The following COLGALT2 variants were observed in gnomAD, a reference collection of about 807,000 sequenced individuals.
The protein encoded by COLGALT2 is procollagen galactosyltransferase 2.
In COLGALT2, 49 loss-of-function variants were observed where a neutral mutation model predicts 73.4. The observed-to-expected ratio is 0.67, with a 90% confidence interval of 0.53 to 0.85. The LOEUF (loss-of-function observed/expected upper bound fraction) is 0.85. Among genes scored for constraint, COLGALT2 ranks in the 40% least tolerant of loss-of-function variants. COLGALT2 has a pLI of 0.00. For missense variants in COLGALT2, 722 were observed against 790.2 expected (o/e 0.91, Z 1.03); for synonymous variants, 295 against 307.6 (o/e 0.96, Z 0.43).
chr1:183,969,251 A>T lies in COLGALT2; in HGVS notation c.832+18T>A. On this transcript the variant is annotated intron_variant, in intron 5 of 11. Coordinates refer to ENST00000361927, the MANE Select transcript of COLGALT2 (RefSeq NM_015101.4). Reference sequence around the variant, plus strand: ...GCTGTGTCTCCATTGTGGCACTACAACCAAAGACAAACAGTACCTGCTTGC... The same window carrying T: ...GCTGTGTCTCCATTGTGGCACTACATCCAAAGACAAACAGTACCTGCTTGC... 6.2e-7 allele frequency: 1 copy of T among 1,600,218 alleles called. No individual in the cohort carries two copies. Among genetic ancestry groups the T allele is most frequent in the South Asian group, 1.1e-5 (1 of 88,980 alleles).
chr1:183,975,638 T>C (rs921366294), intron 2 of COLGALT2, among the ~76,000 whole-genome samples: 1 of 152,232 alleles, frequency 6.6e-6, no homozygotes, highest in Non-Finnish European at 1.5e-5. Flanking sequence ...GAGTATGCAG[T>C]GTAAAACATG....
chr1:184,001,476 G>T (rs887753792), intron 1 of COLGALT2, among the ~76,000 whole-genome samples: 3 of 152,004 alleles, frequency 2.0e-5, no homozygotes, highest in African/African-American at 7.2e-5. Flanking sequence ...ATATATTAAA[G>T]CTTCTCATGT....
intron 8 of COLGALT2, chr1:183,946,284 A>T (rs1670246977): frequency 6.6e-6 from 1 of 152,236 alleles, no homozygotes; most frequent in Non-Finnish European, 1.5e-5. Flanking sequence ...TGCTAACAAG[A>T]AGCCCACCAA....
Position 183,936,408 on chromosome 1 carries a change from G to A in COLGALT2, c.*2353C>T, listed in dbSNP as rs1431592434. On this transcript the variant is annotated 3_prime_UTR_variant, in exon 12 of 12. Transcript: ENST00000361927. ...CAGGGAGAAACAAACCGGGCTAAAGGAGACAGAACTTTCTTCACAGTAGAA... is the reference window on the plus strand; with the variant it reads ...CAGGGAGAAACAAACCGGGCTAAAGAAGACAGAACTTTCTTCACAGTAGAA... 6 of 986,102 alleles carry A rather than the reference G, an allele frequency of 6.1e-6. No homozygotes were observed. Among genetic ancestry groups the A allele is most frequent in the Middle Eastern group, 5.2e-4 (1 of 1,940 alleles). The allele number at this position is 986,102 out of a possible 1,614,324, so 61.1% of individuals were successfully genotyped here.
At chr1:184,037,052 CCCCGCGTCCCGCCGCGGCGG>C (rs1403290861) in intron 1 of COLGALT2, 23 bp downstream of exon 1, 16 of 1,405,586 alleles carry the variant, frequency 1.1e-5, no homozygotes, top group Non-Finnish European at 1.5e-5. Context: ...GGCAGGCCGC[CCCCGCGTCCCGCCGCGGCGG>C]CCCGGGGCCC....
chr1:183,961,567 C>CTCT (rs1331601009), intron 6 of COLGALT2, among the ~76,000 whole-genome samples: 1 of 152,112 alleles, frequency 6.6e-6, no homozygotes, highest in African/African-American at 2.4e-5. Context: ...CTTTTATTTG[C>CTCT]TCTTCTCAAC....
At chr1:183,996,629 G>C (rs978043468) in intron 1 of COLGALT2, among the ~76,000 whole-genome samples, 1 of 152,200 alleles carries the variant, frequency 6.6e-6, no homozygotes, top group Admixed American at 6.5e-5. Flanking sequence ...CTAGAGGTGA[G>C]GACCTGTCAG....
chr1:184,004,892 G>T (rs759219573), intron 1 of COLGALT2, among the ~76,000 whole-genome samples: 11 of 152,198 alleles, frequency 7.2e-5, no homozygotes, highest in Non-Finnish European at 1.5e-4. Flanking sequence ...GGGATCGGTG[G>T]TTTGTCATGG....
Position 183,937,258 on chromosome 1 carries a change from G to A in COLGALT2, c.*1503C>T, listed in dbSNP as rs1422783853. The A allele has an allele frequency of 1.0e-5, 12 of 1,177,214 alleles. No homozygotes were observed. The highest frequency in any genetic ancestry group is 6.3e-5 in the African/African-American group (4 of 63,316). The allele number at this position is 1,177,214 out of a possible 1,614,324, so 72.9% of individuals were successfully genotyped here. A position where few individuals can be genotyped will look rare whatever the true frequency, so the allele number is the denominator to read the frequency against. On this transcript the variant is annotated 3_prime_UTR_variant, in exon 12 of 12. Transcript: ENST00000361927. ...TGGTGCATGGACAGTGATGAGGAAC[G>A]GTGCTGGTATGGGATGCCTGGGAGG...
intron 6 of COLGALT2, among the ~76,000 whole-genome samples, chr1:183,963,274 A>G (rs1670767381): frequency 6.6e-6 from 1 of 152,198 alleles, no homozygotes; most frequent in African/African-American, 2.4e-5. Context: ...AGGGCAAGTT[A>G]CTTAAGGTAA....
chr1:183,972,765 C>T (rs546740300), intron 4 of COLGALT2, among the ~76,000 whole-genome samples: 37 of 151,846 alleles, frequency 2.4e-4, no homozygotes, highest in South Asian at 8.3e-4. Flanking sequence ...AGTGGCGCGA[C>T]CTCGGCTCAC....
intron 1 of COLGALT2, among the ~76,000 whole-genome samples, chr1:184,035,717 A>T (rs977771501): frequency 1.3e-5 from 2 of 152,250 alleles, no homozygotes; most frequent in African/African-American, 2.4e-5. Context: ...TATCTCTTAA[A>T]AAAAACACAA....
chr1:183,930,366 G>A (rs1054944680), intron 11 of COLGALT2: 4 of 450,660 alleles, frequency 8.9e-6, no homozygotes, highest in South Asian at 1.6e-5. Context: ...ATTTAATTTT[G>A]TCTAGAACTA....
chr1:183,933,167 C>A (rs557721372), downstream of COLGALT2, among the ~76,000 whole-genome samples: 1 of 152,274 alleles, frequency 6.6e-6, no homozygotes, highest in African/African-American at 2.4e-5. Context: ...AGCCTCCCTC[C>A]TACCACACTA....
At chr1:183,932,856 G>C (rs1669875212), downstream of COLGALT2, among the ~76,000 whole-genome samples, 1 of 152,056 alleles carries the variant, frequency 6.6e-6, no homozygotes, top group African/African-American at 2.4e-5. Flanking sequence ...CACCTCCTTG[G>C]GTGGATTTTT....
intron 1 of COLGALT2, among the ~76,000 whole-genome samples, chr1:183,979,330 G>C (rs556507502): frequency 6.6e-6 from 1 of 152,086 alleles, no homozygotes; most frequent in Non-Finnish European, 1.5e-5. Context: ...AAAAAGAGAA[G>C]AAAGCAGGAG....
intron 6 of COLGALT2, among the ~76,000 whole-genome samples, chr1:183,958,748 CA>C (rs200835484): frequency 2.6e-3 from 390 of 149,700 alleles, no homozygotes; most frequent in African/African-American, 9.2e-3. Context: ...CAACCCAGGA[CA>C]AAAACCCTCT....
chr1:184,017,433 G>T (rs993849854), intron 1 of COLGALT2, among the ~76,000 whole-genome samples: 1 of 152,118 alleles, frequency 6.6e-6, no homozygotes, highest in Non-Finnish European at 1.5e-5. Flanking sequence ...TTTGATACCA[G>T]CCAGACGGCA....
At chr1:183,959,653 T>G (rs1411797453) in intron 6 of COLGALT2, among the ~76,000 whole-genome samples, 2 of 151,892 alleles carry the variant, frequency 1.3e-5, no homozygotes, top group African/African-American at 4.8e-5. Context: ...TCCCCTACAA[T>G]CTAGTATCCT....
Sources: gnomAD v4.1 joint callset for allele counts (sites outside exome capture counted in the v4.1 genomes callset) on GRCh38, gnomAD v4.1.1 for gene constraint, MANE v1.5 for transcripts, NCBI Gene and HGNC (gene_info 2026-07-23, HGNC 2026-07-21) for gene names.